RAB38: variants seen among roughly 807,000 people sequenced by gnomAD.
RAB38 encodes the protein ras-related protein Rab-38.
RAB38 carries 15 observed loss-of-function variants against 18.4 expected under a neutral mutation model. That is an observed-to-expected ratio of 0.82 (90% CI 0.55 to 1.26). RAB38 has a LOEUF of 1.26. Ranked by LOEUF, RAB38 falls within the 50% of genes most tolerant of loss-of-function variation. The pLI, the probability that RAB38 is intolerant of heterozygous loss-of-function variation, is 0.00. For missense variants in RAB38, 294 were observed against 267.4 expected, an observed-to-expected ratio of 1.10 and a Z score of -0.69; for synonymous variants, 101 against 104.4, an observed-to-expected ratio of 0.97 and a Z score of 0.20.
At chr11:87,882,295 C>T in the RAB38 span, among the ~76,000 whole-genome samples, 299 of 151,860 alleles carry the variant, frequency 2.0e-3, no homozygotes, top group African/African-American at 6.8e-3. Flanking sequence ...TAGCATATTG[C>T]CTGTAAATTT....
At chr11:87,867,239 G>T in the RAB38 span, among the ~76,000 whole-genome samples, 19 of 151,728 alleles carry the variant, frequency 1.3e-4, no homozygotes, top group African/African-American at 3.6e-4. Flanking sequence ...TTAGAGTTCA[G>T]TGGGCACCAT....
chr11:87,808,220 G>T, the RAB38 span, among the ~76,000 whole-genome samples: 1 of 152,148 alleles, frequency 6.6e-6, no homozygotes, highest in Admixed American at 6.6e-5. Flanking sequence ...ATATCCAAAG[G>T]AAATGAAGCT....
At chr11:87,951,915 T>A in the RAB38 span, among the ~76,000 whole-genome samples, 1 of 152,120 alleles carries the variant, frequency 6.6e-6, no homozygotes, top group Non-Finnish European at 1.5e-5. Flanking sequence ...ACCACTACTC[T>A]CTTCAAAGCT....
chr11:88,018,055 C>T, the RAB38 span, among the ~76,000 whole-genome samples: 1 of 152,088 alleles, frequency 6.6e-6, no homozygotes, highest in Non-Finnish European at 1.5e-5. Context: ...GTGTGGCCTC[C>T]CCAGCCACAA....
At chr11:88,010,398 G>A in the RAB38 span, among the ~76,000 whole-genome samples, 1 of 152,208 alleles carries the variant, frequency 6.6e-6, no homozygotes, top group Non-Finnish European at 1.5e-5. Flanking sequence ...GTGGTTGCCA[G>A]ATGTATGAAT....
chr11:87,827,481 T>C, the RAB38 span, among the ~76,000 whole-genome samples: 21 of 152,080 alleles, frequency 1.4e-4, no homozygotes, highest in African/African-American at 4.1e-4. Context: ...TAAGGAAATA[T>C]CATAATGCAT....
chr11:87,818,126 T>C, the RAB38 span, among the ~76,000 whole-genome samples: 33 of 152,316 alleles, frequency 2.2e-4, no homozygotes, highest in African/African-American at 7.9e-4. Context: ...GGGAGCTCCA[T>C]TTCCAGAGTT....
chr11:88,109,386 A>G (rs1258947300), downstream of RAB38, among the ~76,000 whole-genome samples: 4 of 152,226 alleles, frequency 2.6e-5, no homozygotes, highest in Admixed American at 6.5e-5. Context: ...TGGATTAGTG[A>G]CTTAAATGTA....
the RAB38 span, among the ~76,000 whole-genome samples, chr11:87,976,138 G>A: frequency 6.7e-6 from 1 of 148,634 alleles, no homozygotes; most frequent in Non-Finnish European, 1.5e-5. Flanking sequence ...ATGTGTGTGT[G>A]TGTATATATA....
the RAB38 span, among the ~76,000 whole-genome samples, chr11:87,913,162 A>G: frequency 1.3e-5 from 2 of 151,872 alleles, no homozygotes; most frequent in African/African-American, 2.4e-5. Flanking sequence ...TGCATTTTCT[A>G]CTATGGTTGG....
chr11:87,826,434 TA>T, the RAB38 span, among the ~76,000 whole-genome samples: 1 of 152,150 alleles, frequency 6.6e-6, no homozygotes, highest in East Asian at 1.9e-4. Flanking sequence ...TTTTATTACT[TA>T]AAAGCATATG....
the RAB38 span, among the ~76,000 whole-genome samples, chr11:87,952,298 C>T: frequency 2.6e-5 from 4 of 152,112 alleles, no homozygotes. Context: ...TAAAGGTGGG[C>T]CTCAATGACC....
rs543463461 is a variant in RAB38, at chr11:88,151,207, A to G, written c.203-1252T>C. On this transcript the variant is annotated intron_variant, in intron 1 of 2. Transcript: ENST00000243662. ...ATAATATGTACTGCAGAGTTTTGCC[A>G]TGTGGATGAAGTGAATTAATATATG... Among the ~76,000 whole-genome samples, 6 of 152,320 alleles carry G rather than the reference A, an allele frequency of 3.9e-5. No homozygotes were observed. In the South Asian group the frequency reaches 1.2e-3, roughly 32 times the overall value.
chr11:88,012,469 CTA>C, the RAB38 span, among the ~76,000 whole-genome samples: 1 of 152,108 alleles, frequency 6.6e-6, no homozygotes, highest in African/African-American at 2.4e-5. Context: ...ATTATTTTTC[CTA>C]ATAAAGTTTC....
intron 2 of RAB38, among the ~76,000 whole-genome samples, chr11:88,141,790 T>C (rs1464347614): frequency 6.6e-6 from 1 of 152,238 alleles, no homozygotes; most frequent in Non-Finnish European, 1.5e-5. Context: ...TTTCACGTGC[T>C]GTTTCCTCTG....
chr11:88,028,361 G>A, the RAB38 span, among the ~76,000 whole-genome samples: 15 of 152,266 alleles, frequency 9.9e-5, no homozygotes, highest in South Asian at 1.2e-3. Context: ...CACCAGAAAC[G>A]GAACAAAGCT....
At chr11:88,159,522 C>T (rs1943164204) in intron 1 of RAB38, among the ~76,000 whole-genome samples, 1 of 151,746 alleles carries the variant, frequency 6.6e-6, no homozygotes, top group South Asian at 2.1e-4. Flanking sequence ...AGACCAATAG[C>T]CAAAGTAATA....
chr11:87,831,580 G>A, the RAB38 span, among the ~76,000 whole-genome samples: 1 of 152,166 alleles, frequency 6.6e-6, no homozygotes, highest in African/African-American at 2.4e-5. Flanking sequence ...AGTTGTGGAT[G>A]TATCTCCATC....
At chr11:87,823,634 G>C in the RAB38 span, among the ~76,000 whole-genome samples, 12 of 152,208 alleles carry the variant, frequency 7.9e-5, no homozygotes, top group African/African-American at 2.9e-4. Flanking sequence ...TTTTGACAAA[G>C]TTGCTAATGT....
Sources: allele counts gnomAD v4.1 joint callset (sites outside exome capture counted in the v4.1 genomes callset), GRCh38; gene constraint gnomAD v4.1.1; transcripts MANE v1.5; gene names NCBI Gene and HGNC (gene_info 2026-07-23, HGNC 2026-07-21).